MTNR1B: variants seen among roughly 807,000 people sequenced by gnomAD.
MTNR1B encodes melatonin receptor 1B.
A neutral mutation model predicts 7.0 loss-of-function variants in MTNR1B; 7 were observed. That is an observed-to-expected ratio of 1.00 (90% CI 0.57 to 1.88). The LOEUF is 1.88. Among genes scored for constraint, MTNR1B ranks in the 40% most tolerant of loss-of-function variants. MTNR1B has a pLI of 0.00. For missense variants in MTNR1B, 478 were observed against 486.5 expected, an observed-to-expected ratio of 0.98 and a Z score of 0.16; for synonymous variants, 226 against 208.2, an observed-to-expected ratio of 1.09 and a Z score of -0.74.
downstream of MTNR1B, among the ~76,000 whole-genome samples, chr11:92,983,614 C>T (rs1858155116): frequency 6.6e-6 from 1 of 151,856 alleles, no homozygotes; most frequent in African/African-American, 2.4e-5. Flanking sequence ...GGCAGCTGCA[C>T]CCCAATTCAT....
At position 92,974,466 on chromosome 11, in the gene MTNR1B, G is replaced by T. The variant is rs183905185; in HGVS notation, c.223+4518G>T. 5.3e-5 allele frequency among the ~76,000 whole-genome samples: 8 copies of T among 152,252 alleles called. No individual in the cohort carries two copies. In the East Asian group the frequency reaches 1.4e-3, roughly 26 times the overall value. On this transcript the variant is annotated intron_variant, in intron 1 of 1. Transcript: ENST00000257068. Reference sequence around the variant, plus strand: ...TACAGCCTTGGGTATGTCTTTTGTTGTTGTTGTTTTTTGTGAGACAGAGTT... The same window carrying T: ...TACAGCCTTGGGTATGTCTTTTGTTTTTGTTGTTTTTTGTGAGACAGAGTT...
At chr11:92,979,026 T>C (rs1249535313) in intron 1 of MTNR1B, among the ~76,000 whole-genome samples, 3 of 152,138 alleles carry the variant, frequency 2.0e-5, no homozygotes, top group Admixed American at 1.3e-4. Context: ...GAAGTGATTC[T>C]CTTCACAGAA....
At chr11:92,970,058 C>T in intron 1 of MTNR1B, 110 bp downstream of exon 1, 1 of 1,326,168 alleles carries the variant, frequency 7.5e-7, no homozygotes, top group Non-Finnish European at 9.8e-7. Flanking sequence ...GCCCGGGCTC[C>T]CCTTTCCCTT....
downstream of MTNR1B, among the ~76,000 whole-genome samples, chr11:92,984,492 CAA>C (rs932191016): frequency 2.0e-5 from 3 of 151,724 alleles, no homozygotes; most frequent in Non-Finnish European, 4.4e-5. Flanking sequence ...TGGCTCTGGG[CAA>C]AGTTTGCAGC....
At chr11:92,974,234 A>AGTC (rs1366803551) in intron 1 of MTNR1B, among the ~76,000 whole-genome samples, 1 of 152,186 alleles carries the variant, frequency 6.6e-6, no homozygotes, top group South Asian at 2.1e-4. Flanking sequence ...CATGAGAGCA[A>AGTC]GTCTTTCCCA....
chr11:92,980,484 T>C (rs1450892289), intron 1 of MTNR1B, among the ~76,000 whole-genome samples: 1 of 152,210 alleles, frequency 6.6e-6, no homozygotes, highest in African/African-American at 2.4e-5. Context: ...ACGCAAACAC[T>C]TGAGGAGCAG....
intron 1 of MTNR1B, among the ~76,000 whole-genome samples, chr11:92,975,828 C>G (rs1858002676): frequency 6.6e-6 from 1 of 152,182 alleles, no homozygotes. Flanking sequence ...GGCTTCTATC[C>G]TACCACCGAC....
chr11:92,982,472 A>G lies in MTNR1B; in HGVS notation c.*160A>G, dbSNP rs1395396136. The G allele has an allele frequency of 3.6e-6, 3 of 844,408 alleles. No homozygotes were observed. The highest frequency in any genetic ancestry group is 1.8e-5 in the South Asian group (1 of 55,326). 52.3% of individuals were successfully genotyped at this position (844,408 alleles called of 1,614,324 possible). ...TCATGCTGGGACAAGCAGCCCATCAACGCCATGGGTTCAGGCTGATCCAGG... is the reference window on the plus strand; with the variant it reads ...TCATGCTGGGACAAGCAGCCCATCAGCGCCATGGGTTCAGGCTGATCCAGG... On this transcript the variant is annotated 3_prime_UTR_variant, in exon 2 of 2. Coordinates refer to ENST00000257068, the MANE Select transcript of MTNR1B (RefSeq NM_005959.5).
intron 1 of MTNR1B, among the ~76,000 whole-genome samples, chr11:92,971,614 TC>T (rs905788954): frequency 1.3e-5 from 2 of 152,162 alleles, no homozygotes; most frequent in African/African-American, 4.8e-5. Context: ...GCCCCTTCTG[TC>T]CCTGACTTAT....
downstream of MTNR1B, among the ~76,000 whole-genome samples, chr11:92,984,278 C>G (rs1287595375): frequency 6.6e-6 from 1 of 152,162 alleles, no homozygotes; most frequent in Non-Finnish European, 1.5e-5. Flanking sequence ...TGCAAATCTT[C>G]TGGGCTCTGA....
Position 92,969,895 on chromosome 11 carries a change from G to C in MTNR1B, c.170G>C (p.Gly57Ala). ...LIVTTAVDVVGNLLVILSVLR... is the reference protein window; with the variant it reads ...LIVTTAVDVVANLLVILSVLR... ...GTCACCACCGCCGTGGACGTCGTGGGCAACCTCCTGGTGATCCTCTCCGTG... is the reference window on the plus strand; with the variant it reads ...GTCACCACCGCCGTGGACGTCGTGGCCAACCTCCTGGTGATCCTCTCCGTG... The change falls in exon 1 of 2, where the codon GGC becomes GCC. Residue 57 changes from glycine (G) to alanine (A), a missense_variant. Transcript: ENST00000257068. 6.2e-7 allele frequency: 1 copy of C among 1,612,310 alleles called. No individual in the cohort carries two copies. Among genetic ancestry groups the C allele is most frequent in the Non-Finnish European group, 8.5e-7 (1 of 1,179,652 alleles).
At chr11:92,976,004 C>G (rs868256038) in intron 1 of MTNR1B, among the ~76,000 whole-genome samples, 18 of 152,318 alleles carry the variant, frequency 1.2e-4, no homozygotes, top group African/African-American at 3.8e-4. Context: ...ACCTTATTGC[C>G]TCTTCACTGA....
At chr11:92,974,813 A>G (rs993904708) in intron 1 of MTNR1B, among the ~76,000 whole-genome samples, 1 of 152,172 alleles carries the variant, frequency 6.6e-6, no homozygotes, top group Admixed American at 6.5e-5. Flanking sequence ...CGTGTTAGCC[A>G]GGATGGTCTC....
chr11:92,977,157 C>A (rs1858022046), intron 1 of MTNR1B, among the ~76,000 whole-genome samples: 1 of 152,148 alleles, frequency 6.6e-6, no homozygotes, highest in African/African-American at 2.4e-5. Context: ...GAAATACCCC[C>A]ATATATATCT....
In MTNR1B at chr11:92,982,678, C is replaced by A; in HGVS notation, c.*366C>A. ...TCCTGGCTGCTTTCTCCCCTTCCCC[C>A]CAGCGTGGCAGGATCTCTTCCTGTT... On this transcript the variant is annotated 3_prime_UTR_variant, in exon 2 of 2. Coordinates refer to ENST00000257068, the MANE Select transcript of MTNR1B (RefSeq NM_005959.5). 1 of 279,254 alleles carries A rather than the reference C, an allele frequency of 3.6e-6. No individual in the cohort carries two copies. The highest frequency in any genetic ancestry group is 6.7e-6 in the Non-Finnish European group (1 of 148,810). The allele number at this position is 279,254 out of a possible 1,614,324, so 17.3% of individuals were successfully genotyped here.
chr11:92,977,756 T>C (rs969751685), intron 1 of MTNR1B, among the ~76,000 whole-genome samples: 3 of 152,254 alleles, frequency 2.0e-5, no homozygotes, highest in Non-Finnish European at 4.4e-5. Flanking sequence ...GGGCCATGTC[T>C]TTCATCCATC....
At position 92,982,363 on chromosome 11, in the gene MTNR1B, G is replaced by C; in HGVS notation, c.*51G>C. On this transcript the variant is annotated 3_prime_UTR_variant, in exon 2 of 2. Coordinates refer to ENST00000257068, the MANE Select transcript of MTNR1B (RefSeq NM_005959.5). ...ATGACAAACTCATGAAATGGTGGGA[G>C]AGAGTCTGCTGCAAGGGTGAGACCA... 6.4e-7 allele frequency: 1 copy of C among 1,569,022 alleles called. No individual in the cohort carries two copies.
At chr11:92,977,702 T>C (rs1383367695) in intron 1 of MTNR1B, among the ~76,000 whole-genome samples, 3 of 152,268 alleles carry the variant, frequency 2.0e-5, no homozygotes, top group East Asian at 3.9e-4. Flanking sequence ...TGGCTACTGT[T>C]TTCTTTTGTT....
intron 1 of MTNR1B, 44 bp downstream of exon 1, chr11:92,969,992 C>A (rs1156849294): frequency 3.3e-6 from 5 of 1,531,630 alleles, no homozygotes; most frequent in Admixed American, 1.9e-5. Context: ...CGGGCCCTTC[C>A]TTGTCTTCTG....
Sources: gnomAD v4.1 joint callset for allele counts (sites outside exome capture counted in the v4.1 genomes callset) on GRCh38, gnomAD v4.1.1 for gene constraint, MANE v1.5 for transcripts, NCBI Gene and HGNC (gene_info 2026-07-23, HGNC 2026-07-21) for gene names.